The following PREPL variants were observed in gnomAD, a reference collection of about 807,000 sequenced individuals.
The protein encoded by PREPL is prolyl endopeptidase-like.
PREPL carries 77 observed loss-of-function variants against 70.6 expected under a neutral mutation model. That is an observed-to-expected ratio of 1.09 (90% CI 0.91 to 1.32). The LOEUF (loss-of-function observed/expected upper bound fraction) is 1.32. Among genes scored for constraint, PREPL ranks in the 40% most tolerant of loss-of-function variants. PREPL has a pLI of 0.00. For synonymous variants in PREPL, 315 were observed against 264.8 expected (o/e 1.19, Z -1.84); for missense variants, 1,002 against 778.2 (o/e 1.29, Z -3.42).
rs698763 is a variant in PREPL, at chr2:44,346,485, G to A, written c.-48-95C>T. The A allele has an allele frequency of 0.71, 785,040 of 1,099,146 alleles. 285,300 individuals are homozygous for A. Among genetic ancestry groups the A allele is most frequent in the South Asian group, 0.8 (57,015 of 71,704 alleles). 68.1% of individuals were successfully genotyped at this position (1,099,146 alleles called of 1,614,324 possible). On this transcript the variant is annotated intron_variant, in intron 1 of 13. Coordinates refer to ENST00000409411, the MANE Select transcript of PREPL (RefSeq NM_001171613.2). ...AGTAGGTCTATACCGTAGACTTAAC[G>A]TTGTACAAAAAAGAAATAAGATTAA...
chr2:44,334,900 C>T (rs1285405454), intron 7 of PREPL, among the ~76,000 whole-genome samples: 1 of 152,152 alleles, frequency 6.6e-6, no homozygotes, highest in East Asian at 1.9e-4. Flanking sequence ...AAGTGCCCAC[C>T]AGGCAGAGAT....
At chr2:44,329,150 C>CT (rs963512870) in intron 8 of PREPL, 38 bp from the exon 9 acceptor site, 4 of 1,502,624 alleles carry the variant, frequency 2.7e-6, no homozygotes, top group Non-Finnish European at 3.7e-6. Context: ...AAAGAAGAGT[C>CT]TTTTATAATA....
Position 44,323,151 on chromosome 2 carries a change from A to G in PREPL, c.1629+111T>C, listed in dbSNP as rs2053454. Reference sequence around the variant, plus strand: ...ATGGTGCTGAAGATATTTGGGCATCATAAGTAGAAACATCTCTAAAGCTCC... The same window carrying G: ...ATGGTGCTGAAGATATTTGGGCATCGTAAGTAGAAACATCTCTAAAGCTCC... On this transcript the variant is annotated intron_variant, in intron 11 of 13. Coordinates refer to ENST00000409411, the MANE Select transcript of PREPL (RefSeq NM_001171613.2). 0.68 allele frequency: 739,368 copies of G among 1,094,380 alleles called. 253,245 individuals are homozygous for G. The highest frequency in any genetic ancestry group is 0.76 in the African/African-American group (47,903 of 62,824). 67.8% of individuals were successfully genotyped at this position (1,094,380 alleles called of 1,614,324 possible).
intron 1 of PREPL, chr2:44,360,550 T>A (rs1233407420): frequency 6.6e-6 from 1 of 152,214 alleles, no homozygotes; most frequent in African/African-American, 2.4e-5. Context: ...TGTAAGGCCA[T>A]CTCTGGTTTG....
chr2:44,321,775 A>C, intron 13 of PREPL, 52 bp downstream of exon 13: 5 of 1,613,698 alleles, frequency 3.1e-6, no homozygotes, highest in Non-Finnish European at 4.2e-6. Flanking sequence ...ATGTGAAAAC[A>C]ACATGTATCT....
At position 44,321,021 on chromosome 2, in the gene PREPL, G is replaced by A. The variant is rs1672895722; in HGVS notation, c.*335C>T. 1 of 385,346 alleles carries A rather than the reference G, an allele frequency of 2.6e-6. No homozygotes were observed. Among genetic ancestry groups the A allele is most frequent in the South Asian group, 2.9e-5 (1 of 34,916 alleles). The allele number at this position is 385,346 out of a possible 1,614,324, so 23.9% of individuals were successfully genotyped here. ...GTCTAAAAGCATTTGCTAGCAAAGA[G>A]GCAGGACACTAATTTGTAAACTGCT... On this transcript the variant is annotated 3_prime_UTR_variant, in exon 14 of 14. Coordinates refer to ENST00000409411, the MANE Select transcript of PREPL (RefSeq NM_001171613.2).
chr2:44,354,863 C>T (rs1042983037), intron 1 of PREPL, among the ~76,000 whole-genome samples: 19 of 152,180 alleles, frequency 1.2e-4, no homozygotes, highest in Admixed American at 3.3e-4. Flanking sequence ...AGGCGTGAGG[C>T]GCCACGCCCG....
At chr2:44,336,180 C>T (rs1674618966) in intron 7 of PREPL, among the ~76,000 whole-genome samples, 1 of 152,176 alleles carries the variant, frequency 6.6e-6, no homozygotes, top group Non-Finnish European at 1.5e-5. Flanking sequence ...TACTATTTGA[C>T]TCAGCAATCC....
chr2:44,348,794 C>G (rs1676093361), intron 1 of PREPL, among the ~76,000 whole-genome samples: 1 of 152,174 alleles, frequency 6.6e-6, no homozygotes, highest in South Asian at 2.1e-4. Flanking sequence ...CCCATGGAAA[C>G]TGAGGTTTTA....
intron 8 of PREPL, among the ~76,000 whole-genome samples, chr2:44,330,322 C>A (rs1329771543): frequency 6.6e-6 from 1 of 152,170 alleles, no homozygotes; most frequent in Non-Finnish European, 1.5e-5. Context: ...AAAGGTATAG[C>A]GCTTCCATTC....
chr2:44,334,818 G>A (rs1421955401), intron 7 of PREPL, among the ~76,000 whole-genome samples: 1 of 152,230 alleles, frequency 6.6e-6, no homozygotes, highest in Non-Finnish European at 1.5e-5. Context: ...GACCTCAGGT[G>A]ATCCGCCTGC....
At chr2:44,343,620 T>A in intron 4 of PREPL, 125 bp downstream of exon 4, 2 of 768,362 alleles carry the variant, frequency 2.6e-6, no homozygotes, top group Non-Finnish European at 4.3e-6. Flanking sequence ...TAGGAAGATG[T>A]ATAGTCCATA....
intron 8 of PREPL, among the ~76,000 whole-genome samples, chr2:44,329,381 T>C (rs986239552): frequency 1.3e-5 from 2 of 152,196 alleles, no homozygotes; most frequent in South Asian, 2.1e-4. Context: ...TTCATGACAA[T>C]AATGTAATTT....
At position 44,320,574 on chromosome 2, in the gene PREPL, A is replaced by T. The variant is rs1672847835; in HGVS notation, c.*782T>A. On this transcript the variant is annotated 3_prime_UTR_variant, in exon 14 of 14. Transcript: ENST00000409411. ...TCATCGCCAAACAGCTTTCAGAGAT[A>T]GATGCTTTGTTTCCAATCGAGCATG... is the stretch of plus-strand genomic sequence containing the variant. The T allele has an allele frequency of 6.2e-7, 1 of 1,613,984 alleles. No individual in the cohort carries two copies. The highest frequency in any genetic ancestry group is 1.3e-5 in the African/African-American group (1 of 74,940).
intron 5 of PREPL, among the ~76,000 whole-genome samples, chr2:44,341,277 C>T (rs1000948441): frequency 1.3e-5 from 2 of 151,850 alleles, no homozygotes; most frequent in Non-Finnish European, 2.9e-5. Context: ...AAAATAACAC[C>T]GATTCATTTT....
chr2:44,354,735 C>T (rs1303775218), intron 1 of PREPL, among the ~76,000 whole-genome samples: 4 of 152,138 alleles, frequency 2.6e-5, no homozygotes, highest in African/African-American at 7.2e-5. Context: ...CCACCAGGCC[C>T]GGCTAAAATT....
intron 1 of PREPL, among the ~76,000 whole-genome samples, chr2:44,360,873 T>C (rs970914945): frequency 1.3e-5 from 2 of 152,166 alleles, no homozygotes; most frequent in African/African-American, 4.8e-5. Context: ...TTCCACAAAA[T>C]GCCCCCTGGT....
rs536200980 is a variant in PREPL at position 44,336,492 on chromosome 2, A to C, written c.888+1859T>G. Reference sequence around the variant, plus strand: ...TAAGTGGGAGCTAAACATTGTGTCCACATGGACACAAGGAAGAGAATAACA... The same window carrying C: ...TAAGTGGGAGCTAAACATTGTGTCCCCATGGACACAAGGAAGAGAATAACA... On this transcript the variant is annotated intron_variant, in intron 7 of 13. Transcript: ENST00000409411. 6.6e-5 allele frequency among the ~76,000 whole-genome samples: 10 copies of C among 152,292 alleles called. No individual in the cohort carries two copies. In the East Asian group the frequency reaches 1.9e-3, roughly 29 times the overall value.
intron 1 of PREPL, chr2:44,359,502 A>G: frequency 6.2e-7 from 1 of 1,604,886 alleles, no homozygotes; most frequent in Non-Finnish European, 8.5e-7. Flanking sequence ...CATACCTTAC[A>G]TGAGAAGCTC....
Sources: gnomAD v4.1 joint callset for allele counts (sites outside exome capture counted in the v4.1 genomes callset) on GRCh38, gnomAD v4.1.1 for gene constraint, MANE v1.5 for transcripts, NCBI Gene and HGNC (gene_info 2026-07-23, HGNC 2026-07-21) for gene names.